LRFN5: variants seen among roughly 807,000 people sequenced by gnomAD.
LRFN5 encodes the protein leucine rich repeat and fibronectin type III domain containing 5.
A neutral mutation model predicts 45.6 loss-of-function variants in LRFN5; 24 were observed. The ratio of observed to expected loss-of-function variants is 0.53; its 90% CI spans 0.38 to 0.74. The LOEUF is 0.74. Ranked by LOEUF, LRFN5 falls within the 30% of genes least tolerant of loss-of-function variation. LRFN5 has a pLI of 0.00. For synonymous variants in LRFN5, 340 were observed against 313.8 expected (o/e 1.08, Z -0.88); for missense variants, 776 against 861.5 (o/e 0.90, Z 1.24).
intron 1 of LRFN5, among the ~76,000 whole-genome samples, chr14:41,610,661 T>TAAA (rs199770856): frequency 0.035 from 1,308 of 37,290 alleles, 146 homozygotes; most frequent in African/African-American, 0.084. Flanking sequence ...CCAGGGAAGG[T>TAAA]AAAAAAAAAA....
At chr14:41,854,632 T>C (rs1303181742) in intron 2 of LRFN5, among the ~76,000 whole-genome samples, 1 of 152,124 alleles carries the variant, frequency 6.6e-6, no homozygotes, top group African/African-American at 2.4e-5. Context: ...AATCCAAAGC[T>C]CAAGAAAATA....
intron 1 of LRFN5, among the ~76,000 whole-genome samples, chr14:41,663,765 G>C (rs1053852831): frequency 8.6e-5 from 13 of 151,934 alleles, no homozygotes; most frequent in Non-Finnish European, 1.5e-4. Flanking sequence ...TCACAAAGGG[G>C]AACACATATT....
chr14:41,609,351 C>G lies in LRFN5; in HGVS notation c.-197+789C>G, dbSNP rs558956254. Among the ~76,000 whole-genome samples, 5 of 149,846 alleles carry G rather than the reference C, an allele frequency of 3.3e-5. No homozygotes were observed. In the East Asian group the frequency reaches 1.0e-3, roughly 31 times the overall value. ...GTTGTTGTTTGTTTGTTTGTTTTAT[C>G]CCTGTATAATAGATATTTTGAATTT... On this transcript the variant is annotated intron_variant, in intron 1 of 5. Coordinates refer to ENST00000298119, the MANE Select transcript of LRFN5 (RefSeq NM_152447.5).
At chr14:41,618,374 T>G (rs1052154988) in intron 1 of LRFN5, among the ~76,000 whole-genome samples, 1 of 152,190 alleles carries the variant, frequency 6.6e-6, no homozygotes, top group African/African-American at 2.4e-5. Flanking sequence ...ATGGTATAAT[T>G]TTCAAGCCTA....
chr14:41,865,588 T>C (rs1164513866), intron 2 of LRFN5, among the ~76,000 whole-genome samples: 1 of 152,190 alleles, frequency 6.6e-6, no homozygotes, highest in Admixed American at 6.5e-5. Flanking sequence ...TAATTAGGAA[T>C]GGAAATGTTA....
At chr14:41,886,447 A>G (rs780064124) in intron 2 of LRFN5, among the ~76,000 whole-genome samples, 159 bp from the exon 3 acceptor site, 4 of 152,218 alleles carry the variant, frequency 2.6e-5, no homozygotes, top group Non-Finnish European at 5.9e-5. Context: ...CCTAGTGCCC[A>G]TTATAGCCTT....
At chr14:41,616,667 G>A (rs1452207840) in intron 1 of LRFN5, among the ~76,000 whole-genome samples, 1 of 152,054 alleles carries the variant, frequency 6.6e-6, no homozygotes, top group African/African-American at 2.4e-5. Context: ...AAGTATCCTG[G>A]TAGAATGAGT....
chr14:41,774,377 A>T (rs1419200912), intron 2 of LRFN5, among the ~76,000 whole-genome samples: 1 of 152,216 alleles, frequency 6.6e-6, no homozygotes, highest in African/African-American at 2.4e-5. Context: ...ATCTCTTATC[A>T]ATATGAAACA....
At chr14:41,759,193 G>A (rs1885541553) in intron 1 of LRFN5, among the ~76,000 whole-genome samples, 1 of 152,040 alleles carries the variant, frequency 6.6e-6, no homozygotes, top group Non-Finnish European at 1.5e-5. Context: ...CCAAAAAGGT[G>A]CTTCTCGTGC....
rs1887524595 is a variant in LRFN5 at position 41,607,279 on chromosome 14, C to G, written c.-1480C>G. On this transcript the variant is annotated 5_prime_UTR_variant, in exon 1 of 6. It adds an upstream start codon to the 5' untranslated region. Coordinates refer to ENST00000298119, the MANE Select transcript of LRFN5 (RefSeq NM_152447.5). ...TGTGAACACAGCCCACCCATATAAT[C>G]CATTTTGCACGGTCCGTTATATCAG... Among the ~76,000 whole-genome samples the G allele has an allele frequency of 1.3e-5, 2 of 150,556 alleles. No individual in the cohort carries two copies. Among genetic ancestry groups the G allele is most frequent in the Admixed American group, 1.3e-4 (2 of 14,998 alleles).
intron 2 of LRFN5, among the ~76,000 whole-genome samples, chr14:41,843,812 T>A (rs1888953228): frequency 6.6e-6 from 1 of 152,044 alleles, no homozygotes; most frequent in African/African-American, 2.4e-5. Context: ...CTGAAAGAAA[T>A]GGAATTAATC....
At chr14:41,781,592 GAA>G (rs1341196364) in intron 2 of LRFN5, among the ~76,000 whole-genome samples, 3 of 89,868 alleles carry the variant, frequency 3.3e-5, no homozygotes, top group Admixed American at 1.2e-4. Context: ...AAGAAAGAAA[GAA>G]AGAAAGAAAG....
At chr14:41,705,245 T>C (rs193269899) in intron 1 of LRFN5, among the ~76,000 whole-genome samples, 10 of 152,240 alleles carry the variant, frequency 6.6e-5, no homozygotes, top group Admixed American at 1.3e-4. Flanking sequence ...TGCTATGGCC[T>C]CAGTTGCTTT....
At position 41,615,952 on chromosome 14, in the gene LRFN5, T is replaced by C. The variant is rs189146353; in HGVS notation, c.-197+7390T>C. Reference sequence around the variant, plus strand: ...TCTTTTGAATTACAAACAATCAAATTACACACTTTAAGTTTACCTCTTCAA... The same window carrying C: ...TCTTTTGAATTACAAACAATCAAATCACACACTTTAAGTTTACCTCTTCAA... On this transcript the variant is annotated intron_variant, in intron 1 of 5. Coordinates refer to ENST00000298119, the MANE Select transcript of LRFN5 (RefSeq NM_152447.5). Among the ~76,000 whole-genome samples the C allele has an allele frequency of 3.5e-3, 533 of 152,198 alleles. 5 individuals carry two copies. The highest frequency in any genetic ancestry group is 0.012 in the African/African-American group (510 of 41,540).
intron 2 of LRFN5, among the ~76,000 whole-genome samples, chr14:41,820,653 G>A (rs1189738153): frequency 1.3e-5 from 2 of 151,728 alleles, no homozygotes; most frequent in East Asian, 1.9e-4. Context: ...AATTCTGTGA[G>A]CATTCATATT....
intron 2 of LRFN5, among the ~76,000 whole-genome samples, chr14:41,819,536 G>A (rs1426937749): frequency 6.6e-6 from 1 of 152,080 alleles, no homozygotes; most frequent in Non-Finnish European, 1.5e-5. Flanking sequence ...TAGAAAATAG[G>A]TTTAATTGGT....
chr14:41,759,458 C>CT (rs1885557802), intron 1 of LRFN5, among the ~76,000 whole-genome samples: 4 of 54,486 alleles, frequency 7.3e-5, no homozygotes, highest in Admixed American at 3.6e-4. Context: ...TACACACACA[C>CT]ACACACACAC....
intron 2 of LRFN5, among the ~76,000 whole-genome samples, chr14:41,878,749 C>T (rs1355927716): frequency 6.6e-6 from 1 of 151,988 alleles, no homozygotes; most frequent in Non-Finnish European, 1.5e-5. Flanking sequence ...CTTTACTTAA[C>T]TAGATTAAAA....
intron 2 of LRFN5, among the ~76,000 whole-genome samples, chr14:41,798,922 A>G (rs1291257698): frequency 6.6e-6 from 1 of 151,902 alleles, no homozygotes; most frequent in Non-Finnish European, 1.5e-5. Flanking sequence ...TCTCTGTAAT[A>G]TATGTTTTAA....
Sources: gnomAD v4.1 joint callset for allele counts (sites outside exome capture counted in the v4.1 genomes callset) on GRCh38, gnomAD v4.1.1 for gene constraint, MANE v1.5 for transcripts, NCBI Gene and HGNC (gene_info 2026-07-23, HGNC 2026-07-21) for gene names.